SNX18: variants seen among roughly 807,000 people sequenced by gnomAD.
The protein encoded by SNX18 is sorting nexin 18.
Under a neutral mutation model 48.7 loss-of-function variants are expected in SNX18, and 35 were observed. The observed-to-expected ratio is 0.72, with a 90% CI of 0.55 to 0.95. SNX18 has a LOEUF of 0.95. Among genes scored for constraint, SNX18 ranks in the 40% least tolerant of loss-of-function variants. The pLI, the probability that SNX18 is intolerant of heterozygous loss-of-function variation, is 0.00. For synonymous variants in SNX18, 492 were observed against 384.7 expected (o/e 1.28, Z -3.26); for missense variants, 824 against 871.0 (o/e 0.95, Z 0.68).
At chr5:54,606,496 C>T in the SNX18 span, among the ~76,000 whole-genome samples, 3 of 152,126 alleles carry the variant, frequency 2.0e-5, no homozygotes, top group South Asian at 2.1e-4. Flanking sequence ...AAGAGGACTT[C>T]GGGAGACCAG....
At chr5:54,571,015 T>A in the SNX18 span, among the ~76,000 whole-genome samples, 1 of 152,168 alleles carries the variant, frequency 6.6e-6, no homozygotes, top group African/African-American at 2.4e-5. Context: ...GAGTCAGAAA[T>A]GTAATGCTGG....
chr5:54,644,490 A>G, the SNX18 span: 1 of 152,366 alleles, frequency 6.6e-6, no homozygotes, highest in South Asian at 2.1e-4. Flanking sequence ...GCATCTACCC[A>G]GCATTCATTC....
At chr5:54,612,524 A>G in the SNX18 span, among the ~76,000 whole-genome samples, 1 of 151,930 alleles carries the variant, frequency 6.6e-6, no homozygotes, top group Admixed American at 6.6e-5. Context: ...CGGCCTCCCA[A>G]AGTGCTGGGA....
At chr5:54,552,007 C>G in the SNX18 span, among the ~76,000 whole-genome samples, 3 of 152,234 alleles carry the variant, frequency 2.0e-5, no homozygotes, top group African/African-American at 7.2e-5. Flanking sequence ...AGGAAGGCAG[C>G]TTTTCACAAA....
the SNX18 span, among the ~76,000 whole-genome samples, chr5:54,646,260 T>C: frequency 3.9e-5 from 6 of 152,230 alleles, no homozygotes; most frequent in South Asian, 1.2e-3. Flanking sequence ...CCAAGAGATA[T>C]GGCTTTAATC....
Position 54,519,485 on chromosome 5 carries a change from C to T in SNX18, c.1533C>T (p.Pro511=), listed in dbSNP as rs773658583. 2 of 1,614,098 alleles carry T rather than the reference C, an allele frequency of 1.2e-6. No individual in the cohort carries two copies. The highest frequency in any genetic ancestry group is 1.7e-5 in the Admixed American group (1 of 60,006). ...TTGGCGAGCTCTTCGCGGAGCAGCC[C>T]AGGCAGGACCTGGATCCCGTCATGG... ...DAIGELFAEQ[P]RQDLDPVMDL... is the part of the protein sequence containing the mutation. The change falls in exon 1 of 2, where the codon CCC becomes CCT. Residue 511 remains proline (P), a synonymous_variant. Transcript: ENST00000381410.
At chr5:54,644,849 A>C in the SNX18 span, 1 of 152,248 alleles carries the variant, frequency 6.6e-6, no homozygotes, top group African/African-American at 2.4e-5. Context: ...AGAACTGCCA[A>C]ACAAGCTCTG....
chr5:54,553,384 C>G, the SNX18 span, among the ~76,000 whole-genome samples: 1 of 152,052 alleles, frequency 6.6e-6, no homozygotes, highest in South Asian at 2.1e-4. Context: ...TTGGCAAGCA[C>G]AGCAACAGGT....
intron 1 of SNX18, among the ~76,000 whole-genome samples, chr5:54,540,219 T>TC (rs1321350725): frequency 1.4e-5 from 2 of 143,390 alleles, no homozygotes; most frequent in African/African-American, 2.6e-5. Context: ...TTCTTTTTTT[T>TC]TTTCTTCTTT....
chr5:54,610,568 G>T, the SNX18 span, among the ~76,000 whole-genome samples: 1,358 of 152,262 alleles, frequency 8.9e-3, 11 homozygotes, highest in African/African-American at 0.03. Flanking sequence ...ATTTTCTTTT[G>T]CAAATAATCA....
the SNX18 span, among the ~76,000 whole-genome samples, chr5:54,630,382 G>C: frequency 2.6e-5 from 4 of 152,128 alleles, no homozygotes; most frequent in Non-Finnish European, 4.4e-5. Flanking sequence ...AAACAGGCAG[G>C]GAGACCCCTT....
chr5:54,619,563 C>T, the SNX18 span, among the ~76,000 whole-genome samples: 8,035 of 152,104 alleles, frequency 0.053, 289 homozygotes, highest in Non-Finnish European at 0.082. Context: ...GTACTTTATG[C>T]GTTAGGGCAC....
the SNX18 span, among the ~76,000 whole-genome samples, chr5:54,601,626 A>C: frequency 6.6e-6 from 1 of 152,144 alleles, no homozygotes. Context: ...GACAGTGACC[A>C]GCAGCAGCAC....
the SNX18 span, among the ~76,000 whole-genome samples, chr5:54,636,531 GTT>G: frequency 1.3e-5 from 2 of 151,998 alleles, no homozygotes; most frequent in Non-Finnish European, 2.9e-5. Context: ...AAACCTGTAC[GTT>G]GTTCATGCCT....
chr5:54,574,277 T>C, the SNX18 span, among the ~76,000 whole-genome samples: 4 of 152,180 alleles, frequency 2.6e-5, no homozygotes, highest in Non-Finnish European at 4.4e-5. Context: ...CACAGCATAG[T>C]GGCTGGGCGC....
At chr5:54,603,248 A>T in the SNX18 span, among the ~76,000 whole-genome samples, 8 of 87,970 alleles carry the variant, frequency 9.1e-5, no homozygotes, top group East Asian at 1.8e-3. Flanking sequence ...ATATATATAT[A>T]TATTTTTTTA....
intron 1 of SNX18, among the ~76,000 whole-genome samples, chr5:54,523,091 T>C (rs1762062865): frequency 6.6e-6 from 1 of 152,160 alleles, no homozygotes; most frequent in Non-Finnish European, 1.5e-5. Context: ...TCTTTGTTCA[T>C]AGGTAGCTCA....
chr5:54,519,433 C>T lies in SNX18; in HGVS notation c.1481C>T (p.Ala494Val), dbSNP rs1761965516. 6.2e-7 allele frequency: 1 copy of T among 1,613,076 alleles called. No individual in the cohort carries two copies. ...TCGGTGGGCCTGAACCAGGCTATCGCCTTCACCGGAGATGCCTATGACGCC... is the reference window on the plus strand; with the variant it reads ...TCGGTGGGCCTGAACCAGGCTATCGTCTTCACCGGAGATGCCTATGACGCC... ...AFSVGLNQAI[A>V]FTGDAYDAIG... The change falls in exon 1 of 2, where the codon GCC (alanine) becomes GTC (valine). Residue 494 changes from alanine to valine, a missense_variant. Ala to Val is a moderately conservative substitution (Grantham distance 64). Transcript: ENST00000381410.
chr5:54,608,357 T>C, the SNX18 span, among the ~76,000 whole-genome samples: 14 of 152,196 alleles, frequency 9.2e-5, no homozygotes, highest in African/African-American at 2.4e-4. Flanking sequence ...TTTTCTAATA[T>C]GAACTGTGCT....
Sources: allele counts gnomAD v4.1 joint callset (sites outside exome capture counted in the v4.1 genomes callset), GRCh38; gene constraint gnomAD v4.1.1; transcripts MANE v1.5; gene names NCBI Gene and HGNC (gene_info 2026-07-23, HGNC 2026-07-21).